The following STAB2 variants were observed in gnomAD, a reference collection of about 807,000 sequenced individuals.
STAB2 encodes stabilin 2.
A neutral mutation model predicts 338.1 loss-of-function variants in STAB2; 288 were observed. The ratio of observed to expected loss-of-function variants is 0.85; its 90% CI spans 0.77 to 0.94. The LOEUF (loss-of-function observed/expected upper bound fraction) is 0.94, where lower values mean the gene tolerates loss of function less well. Ranked by LOEUF, STAB2 falls within the 40% of genes least tolerant of loss-of-function variation. STAB2 has a pLI of 0.00. For missense variants in STAB2, 3,141 were observed against 3,210.1 expected (o/e 0.98, Z 0.52); for synonymous variants, 1,202 against 1,193.3 (o/e 1.01, Z -0.15).
chr12:103,615,033 C>T (rs1957187528), intron 3 of STAB2, among the ~76,000 whole-genome samples: 1 of 152,194 alleles, frequency 6.6e-6, no homozygotes, highest in Non-Finnish European at 1.5e-5. Context: ...AAACCGTACA[C>T]TCTAGTGTGG....
In STAB2 at chr12:103,762,405, AAG is replaced by A. The variant is rs1276315756; in HGVS notation, c.7488+9_7488+10del. The A allele has an allele frequency of 5.6e-6, 9 of 1,614,088 alleles. No individual in the cohort carries two copies. The highest frequency in any genetic ancestry group is 2.7e-5 in the African/African-American group (2 of 74,940). On this transcript the variant is annotated splice_donor_5th_base_variant and intron_variant, in intron 67 of 68. Transcript: ENST00000388887. The stretch of plus-strand genomic sequence containing the variant: ...CAATCGGCTTCCAGCATTTTGAGGT[AAG>A]AGAGAAAAATGGGAACATGATGATG...
At chr12:103,684,382 G>T (rs1261108229) in intron 26 of STAB2, among the ~76,000 whole-genome samples, 1 of 152,170 alleles carries the variant, frequency 6.6e-6, no homozygotes, top group Non-Finnish European at 1.5e-5. Context: ...GGTGGGGCGT[G>T]GGGGACTAAT....
intron 40 of STAB2, 98 bp from the exon 41 acceptor site, chr12:103,712,269 G>A: frequency 1.1e-6 from 1 of 918,402 alleles, no homozygotes; most frequent in Non-Finnish European, 1.8e-6. Flanking sequence ...TCTCATGGGG[G>A]CAGGGGCCAG....
intron 64 of STAB2, among the ~76,000 whole-genome samples, chr12:103,758,784 G>T (rs1593351922): frequency 6.6e-6 from 1 of 152,316 alleles, no homozygotes; most frequent in African/African-American, 2.4e-5. Context: ...ACAGAGGATT[G>T]GCGGTATTTA....
intron 55 of STAB2, among the ~76,000 whole-genome samples, chr12:103,742,137 T>C (rs1349289345): frequency 6.6e-6 from 1 of 152,182 alleles, no homozygotes; most frequent in Non-Finnish European, 1.5e-5. Flanking sequence ...AGCAAGTTCA[T>C]TACTCAACCC....
At chr12:103,627,087 G>T (rs1049617566) in intron 5 of STAB2, among the ~76,000 whole-genome samples, 2 of 152,144 alleles carry the variant, frequency 1.3e-5, no homozygotes, top group African/African-American at 2.4e-5. Context: ...AGGAGGTGGG[G>T]GTTCTCCTTT....
intron 44 of STAB2, among the ~76,000 whole-genome samples, chr12:103,720,324 T>C (rs983118153): frequency 1.3e-5 from 2 of 152,168 alleles, no homozygotes; most frequent in Non-Finnish European, 2.9e-5. Flanking sequence ...CATATTCCCA[T>C]GGGAATTAAC....
chr12:103,673,300 C>G (rs960823360), intron 22 of STAB2, among the ~76,000 whole-genome samples: 1 of 152,074 alleles, frequency 6.6e-6, no homozygotes, highest in East Asian at 1.9e-4. Flanking sequence ...CTCTTCCCCA[C>G]ACCCCACACA....
At position 103,659,159 on chromosome 12, in the gene STAB2, A is replaced by G. The variant is rs1874412058; in HGVS notation, c.1735-1172A>G. ...TTATTGACAACCCTGCCCTGCACATAATGCTATTGGCTAATAGATATGGTG... is the reference window on the plus strand; with the variant it reads ...TTATTGACAACCCTGCCCTGCACATGATGCTATTGGCTAATAGATATGGTG... On this transcript the variant is annotated intron_variant, in intron 15 of 68. Transcript: ENST00000388887. Among the ~76,000 whole-genome samples the G allele has an allele frequency of 2.6e-5, 4 of 152,192 alleles. No homozygotes were observed. The South Asian group carries it at 8.3e-4, about 32-fold the overall frequency.
chr12:103,692,466 G>A (rs965921600), intron 30 of STAB2, among the ~76,000 whole-genome samples: 1 of 152,148 alleles, frequency 6.6e-6, no homozygotes, highest in African/African-American at 2.4e-5. Flanking sequence ...AATGAGCCTC[G>A]AACAGCACTT....
intron 8 of STAB2, among the ~76,000 whole-genome samples, chr12:103,639,563 G>T (rs1957604981): frequency 6.6e-6 from 1 of 152,036 alleles, no homozygotes; most frequent in East Asian, 1.9e-4. Flanking sequence ...AATTAGCTGG[G>T]CATGATGGTC....
chr12:103,670,544 C>T (rs2138813894), intron 21 of STAB2, 152 bp from the exon 22 acceptor site: 2 of 649,420 alleles, frequency 3.1e-6, no homozygotes, highest in South Asian at 1.8e-5. Flanking sequence ...TTAGCAGCCT[C>T]CCTGATATCA....
Position 103,763,479 on chromosome 12 carries a change from T to C in STAB2, c.7489-13T>C. On this transcript the variant is annotated splice_polypyrimidine_tract_variant and intron_variant, in intron 67 of 68. Transcript: ENST00000388887. ...GGGATGCTCCTGGCTTTCATGCTTGTCTTTCCAAACAGTCGGAAGAGGACA... is the reference window on the plus strand; with the variant it reads ...GGGATGCTCCTGGCTTTCATGCTTGCCTTTCCAAACAGTCGGAAGAGGACA... 1.2e-6 allele frequency: 2 copies of C among 1,613,064 alleles called. No individual in the cohort carries two copies. Among genetic ancestry groups the C allele is most frequent in the Non-Finnish European group, 1.7e-6 (2 of 1,179,246 alleles).
At chr12:103,660,247 C>G (rs1015571177) in intron 15 of STAB2, 84 bp from the exon 16 acceptor site, 12 of 1,403,386 alleles carry the variant, frequency 8.6e-6, no homozygotes, top group African/African-American at 1.4e-5. Context: ...TCTTGATTGT[C>G]TAACGTCATT....
Position 103,677,058 on chromosome 12 carries a change from T to C in STAB2, c.2647-395T>C, listed in dbSNP as rs543886413. Among the ~76,000 whole-genome samples, 11 of 152,292 alleles carry C rather than the reference T, an allele frequency of 7.2e-5. No homozygotes were observed. In the East Asian group the frequency reaches 2.1e-3, roughly 29 times the overall value. On this transcript the variant is annotated intron_variant, in intron 24 of 68. Transcript: ENST00000388887. ...CTCCTGAGAGGCCCGGGAGCTAGTA[T>C]AGTGGAGTTTGGGTTGCCACATTAT...
chr12:103,717,884 C>T (rs1361447810), intron 44 of STAB2, 43 bp downstream of exon 44: 1 of 1,607,330 alleles, frequency 6.2e-7, no homozygotes, highest in Admixed American at 1.7e-5. Flanking sequence ...GCCTCAGAGC[C>T]CAGGGTGCCT....
At chr12:103,691,487 TA>T (rs1396980524) in intron 30 of STAB2, among the ~76,000 whole-genome samples, 1 of 152,256 alleles carries the variant, frequency 6.6e-6, no homozygotes, top group East Asian at 1.9e-4. Context: ...CATCAGGTTT[TA>T]AATTAAAATT....
At chr12:103,699,433 AT>A (rs1184194914) in intron 34 of STAB2, among the ~76,000 whole-genome samples, 1 of 152,206 alleles carries the variant, frequency 6.6e-6, no homozygotes, top group African/African-American at 2.4e-5. Flanking sequence ...CCTCACAATC[AT>A]AGTGGAAGGC....
At chr12:103,744,071 G>A (rs1028335539) in intron 56 of STAB2, among the ~76,000 whole-genome samples, 49 of 152,272 alleles carry the variant, frequency 3.2e-4, no homozygotes, top group African/African-American at 1.1e-3. Context: ...CCAGGCCAGC[G>A]CTAATGGTGA....
Sources: gnomAD v4.1 joint callset for allele counts (sites outside exome capture counted in the v4.1 genomes callset) on GRCh38, gnomAD v4.1.1 for gene constraint, MANE v1.5 for transcripts, NCBI Gene and HGNC (gene_info 2026-07-23, HGNC 2026-07-21) for gene names.